The following KANSL1L variants were observed in gnomAD, a reference collection of about 807,000 sequenced individuals.
KANSL1L encodes the protein KAT8 regulatory NSL complex subunit 1-like protein.
In KANSL1L, 25 loss-of-function variants were observed where a neutral mutation model predicts 108.6. The observed-to-expected ratio is 0.23, with a 90% CI of 0.17 to 0.32. The LOEUF is 0.32. Among genes scored for constraint, KANSL1L ranks in the 10% least tolerant of loss-of-function variants. The pLI is 1.00. For synonymous variants in KANSL1L, 405 were observed against 395.1 expected, an observed-to-expected ratio of 1.03 and a Z score of -0.30; for missense variants, 1,137 against 1,125.7, an observed-to-expected ratio of 1.01 and a Z score of -0.14.
At chr2:210,027,274 C>T in intron 12 of KANSL1L, 22 bp downstream of exon 12, 1 of 1,520,340 alleles carries the variant, frequency 6.6e-7, no homozygotes, top group Non-Finnish European at 9.1e-7. Context: ...GCAATTATCC[C>T]ATTAAATGAA....
chr2:210,119,008 ACT>A (rs910438149), intron 3 of KANSL1L, among the ~76,000 whole-genome samples: 1 of 151,706 alleles, frequency 6.6e-6, no homozygotes, highest in Non-Finnish European at 1.5e-5. Flanking sequence ...ACATGATGAA[ACT>A]CTGTCTCTAC....
Position 210,031,501 on chromosome 2 carries a change from C to T in KANSL1L, c.2075G>A (p.Cys692Tyr). 6.4e-7 allele frequency: 1 copy of T among 1,557,064 alleles called. No homozygotes were observed. Among genetic ancestry groups the T allele is most frequent in the Non-Finnish European group, 8.8e-7 (1 of 1,131,808 alleles). Residue 692 changes from cysteine to tyrosine, a missense_variant, in exon 9 of 15, where the codon TGT becomes TAT. Cys to Tyr is a radical substitution (Grantham distance 194). This residue lies in a region of KANSL1L where 575 missense variants were observed against 567.1 expected (regional missense o/e 1.01). Transcript: ENST00000281772. Reference sequence around the variant, plus strand: ...AGATTCTGACCTTATTTGAGGCTTACATATAGGTGAATATCCATTTCTCCA... The same window carrying T: ...AGATTCTGACCTTATTTGAGGCTTATATATAGGTGAATATCCATTTCTCCA... ...NQWRNGYSPI[C>Y]KPQIRSESSA... is the part of the protein sequence containing the mutation.
intron 7 of KANSL1L, among the ~76,000 whole-genome samples, chr2:210,042,608 T>C (rs1222519444): frequency 6.6e-6 from 1 of 152,164 alleles, no homozygotes; most frequent in Admixed American, 6.5e-5. Context: ...ATATGTAAGA[T>C]GAACAGAACA....
At chr2:210,065,455 C>A (rs2094458947) in intron 6 of KANSL1L, among the ~76,000 whole-genome samples, 1 of 151,880 alleles carries the variant, frequency 6.6e-6, no homozygotes, top group Non-Finnish European at 1.5e-5. Flanking sequence ...AGTAAAAGAT[C>A]AAATCCAGGG....
intron 3 of KANSL1L, among the ~76,000 whole-genome samples, chr2:210,106,414 T>C (rs1196582541): frequency 6.6e-6 from 1 of 152,172 alleles, no homozygotes; most frequent in Non-Finnish European, 1.5e-5. Context: ...TTTAGAATAC[T>C]ACCTTTCTAT....
chr2:210,146,574 C>A (rs1402178988), intron 2 of KANSL1L, among the ~76,000 whole-genome samples: 1 of 152,092 alleles, frequency 6.6e-6, no homozygotes, highest in Non-Finnish European at 1.5e-5. Flanking sequence ...TTATGTAGAA[C>A]TTTTAAGTGA....
intron 6 of KANSL1L, among the ~76,000 whole-genome samples, chr2:210,074,783 A>G (rs1392440073): frequency 1.3e-5 from 2 of 152,242 alleles, no homozygotes; most frequent in South Asian, 2.1e-4. Flanking sequence ...ACATATTTAA[A>G]TAGATAACGT....
At chr2:210,086,235 AAAAAC>A (rs1308980874) in intron 5 of KANSL1L, among the ~76,000 whole-genome samples, 1 of 152,070 alleles carries the variant, frequency 6.6e-6, no homozygotes, top group African/African-American at 2.4e-5. Context: ...TCATTAAAGC[AAAAAC>A]AAAACAAACA....
chr2:210,158,920 C>T (rs2095347693), intron 1 of KANSL1L, among the ~76,000 whole-genome samples: 1 of 152,174 alleles, frequency 6.6e-6, no homozygotes. Flanking sequence ...TAAACTACCA[C>T]TTCTGACGAC....
At chr2:210,095,225 T>C (rs1018240222) in intron 5 of KANSL1L, among the ~76,000 whole-genome samples, 2 of 152,128 alleles carry the variant, frequency 1.3e-5, no homozygotes, top group Non-Finnish European at 2.9e-5. Context: ...GATGCTTAAA[T>C]TTCCTCCATC....
chr2:210,106,599 T>C (rs1440418961), intron 3 of KANSL1L, among the ~76,000 whole-genome samples: 1 of 151,930 alleles, frequency 6.6e-6, no homozygotes, highest in African/African-American at 2.4e-5. Flanking sequence ...CAAAACCCTG[T>C]CTCTACTAAC....
intron 1 of KANSL1L, among the ~76,000 whole-genome samples, chr2:210,166,966 G>C (rs937502169): frequency 3.3e-5 from 5 of 151,952 alleles, no homozygotes; most frequent in Admixed American, 2.0e-4. Context: ...GAGACTAGAG[G>C]AGTACAGTCG....
intron 3 of KANSL1L, among the ~76,000 whole-genome samples, chr2:210,115,711 A>G (rs1208809585): frequency 1.3e-5 from 2 of 152,216 alleles, no homozygotes; most frequent in Non-Finnish European, 2.9e-5. Flanking sequence ...CATGCAATCC[A>G]TGAGTTAGCA....
At chr2:210,111,124 G>T (rs1027360271) in intron 3 of KANSL1L, among the ~76,000 whole-genome samples, 4 of 149,420 alleles carry the variant, frequency 2.7e-5, no homozygotes, top group Non-Finnish European at 4.5e-5. Context: ...AAATATAAAA[G>T]AAATTAAAAC....
chr2:210,158,325 C>A (rs952082659), intron 1 of KANSL1L, among the ~76,000 whole-genome samples: 3 of 152,154 alleles, frequency 2.0e-5, no homozygotes, highest in African/African-American at 7.2e-5. Context: ...ATGTCTCCAA[C>A]CAACATATAG....
intron 8 of KANSL1L, among the ~76,000 whole-genome samples, chr2:210,039,231 G>A (rs2094139625): frequency 6.6e-6 from 1 of 151,806 alleles, no homozygotes; most frequent in Non-Finnish European, 1.5e-5. Context: ...AATTAATTTG[G>A]GGAAAATTGA....
At chr2:210,163,053 T>C (rs2095370046) in intron 1 of KANSL1L, among the ~76,000 whole-genome samples, 1 of 152,144 alleles carries the variant, frequency 6.6e-6, no homozygotes, top group Non-Finnish European at 1.5e-5. Context: ...TACATCTTAT[T>C]AAAAGCCTAT....
At chr2:210,076,649 GA>G in intron 5 of KANSL1L, among the ~76,000 whole-genome samples, 1 of 151,698 alleles carries the variant, frequency 6.6e-6, no homozygotes, top group African/African-American at 2.4e-5. Context: ...CACATGAAAA[GA>G]GCATAATTTT....
chr2:210,106,974 TAAAA>T (rs575919743), intron 3 of KANSL1L, among the ~76,000 whole-genome samples: 201 of 151,976 alleles, frequency 1.3e-3, no homozygotes, highest in Non-Finnish European at 2.6e-3. Context: ...TTTCTGTTCT[TAAAA>T]AAATTAGTAA....
Sources: gnomAD v4.1 joint callset for allele counts (sites outside exome capture counted in the v4.1 genomes callset) on GRCh38, gnomAD v4.1.1 for gene constraint, gnomAD v4.1.1 regional missense constraint, MANE v1.5 for transcripts, NCBI Gene and HGNC (gene_info 2026-07-23, HGNC 2026-07-21) for gene names.